RPL18A: variants seen among roughly 807,000 people sequenced by gnomAD.
The protein encoded by RPL18A is large ribosomal subunit protein eL20.
For missense variants in RPL18A, 163 were observed against 254.1 expected (o/e 0.64, Z 2.44); for synonymous variants, 122 against 96.9 (o/e 1.26, Z -1.52).
At position 17,861,404 on chromosome 19, in the gene RPL18A, T is replaced by G. The variant is rs980090765; in HGVS notation, c.130T>G (p.Phe44Val). 2 of 1,610,124 alleles carry G rather than the reference T, an allele frequency of 1.2e-6. No individual in the cohort carries two copies. The highest frequency in any genetic ancestry group is 1.7e-6 in the Non-Finnish European group (2 of 1,177,748). ...TAATCATGTCGTCGCCAAGTCCCGC[T>G]TCTGGTACTTTGTATCTCAGTTAAA... is the stretch of plus-strand genomic sequence containing the variant. Reference protein sequence around the residue: ...APNHVVAKSRFWYFVSQLKKM... With the variant: ...APNHVVAKSRVWYFVSQLKKM... The change falls in exon 2 of 5, where the codon TTC (phenylalanine) becomes GTC (valine). Residue 44 changes from phenylalanine to valine, a missense_variant. Physicochemically the swap from Phe to Val is conservative, Grantham distance 50 (BLOSUM62 -1). Transcript: ENST00000222247.
At chr19:17,861,124 G>A (rs954216529) in intron 1 of RPL18A, 169 bp from the exon 2 acceptor site, 1 of 608,108 alleles carries the variant, frequency 1.6e-6, no homozygotes, top group African/African-American at 1.9e-5. Context: ...GTATAAAGTT[G>A]TGGTCGGGAG....
At position 17,859,932 on chromosome 19, in the gene RPL18A, T is replaced by G. The variant is rs2094273909; in HGVS notation, c.-25T>G. On this transcript the variant is annotated 5_prime_UTR_variant, in exon 1 of 5. Transcript: ENST00000222247. ...GACAGAGGACACTTCCTTTTGCGGG[T>G]GGCGGCGAACGCGGAGAGCACGCCA... 6.5e-7 allele frequency: 1 copy of G among 1,543,036 alleles called. No individual in the cohort carries two copies. The highest frequency in any genetic ancestry group is 8.7e-7 in the Non-Finnish European group (1 of 1,145,366).
At chr19:17,862,502 C>T (rs530875391) in intron 3 of RPL18A, 30 of 687,866 alleles carry the variant, frequency 4.4e-5, no homozygotes, top group South Asian at 3.2e-4. Context: ...CACTGAGAAC[C>T]GAATTGAACC....
chr19:17,861,100 T>C (rs906157059), intron 1 of RPL18A, 193 bp from the exon 2 acceptor site: 7 of 593,128 alleles, frequency 1.2e-5, no homozygotes, highest in Admixed American at 3.0e-5. Flanking sequence ...CTCCCTCTCC[T>C]CAGTTCATTT....
chr19:17,860,084 C>T, intron 1 of RPL18A, 110 bp downstream of exon 1: 2 of 1,004,766 alleles, frequency 2.0e-6, no homozygotes. Context: ...TGTTTGGGCC[C>T]CCCTTGGCCG....
Position 17,863,047 on chromosome 19 carries a change from C to T in RPL18A, c.438+20C>T, listed in dbSNP as rs1437339603. 1 of 1,592,574 alleles carries T rather than the reference C, an allele frequency of 6.3e-7. No individual in the cohort carries two copies. The highest frequency in any genetic ancestry group is 8.6e-7 in the Non-Finnish European group (1 of 1,161,354). On this transcript the variant is annotated intron_variant, in intron 4 of 4. Coordinates refer to ENST00000222247, the MANE Select transcript of RPL18A (RefSeq NM_000980.4). ...TTCCACGTGAGTGCCCTGGGGGACT[C>T]CCCTGGAGGGAAGTGCCTGCTCTGA... is the stretch of plus-strand genomic sequence containing the variant.
intron 2 of RPL18A, 109 bp from the exon 3 acceptor site, chr19:17,861,985 G>A: frequency 7.7e-7 from 1 of 1,299,774 alleles, no homozygotes; most frequent in Non-Finnish European, 1.1e-6. Context: ...TGGCCATAGA[G>A]TAGGCCTGGA....
chr19:17,863,177 A>G lies in RPL18A; in HGVS notation c.445A>G (p.Lys149Glu). The G allele has an allele frequency of 6.2e-7, 1 of 1,612,964 alleles. No homozygotes were observed. The highest frequency in any genetic ancestry group is 8.5e-7 in the Non-Finnish European group (1 of 1,179,466). Residue 149 changes from lysine (K) to glutamate (E), a missense_variant, in exon 5 of 5, where the codon AAG becomes GAG. Transcript: ENST00000222247. ...RPAVKQFHDS[K>E]IKFPLPHRVL... ...ATGCCTCCCTTCCTCACAGGACTCCAAGATCAAGTTCCCGCTGCCCCACCG... is the reference window on the plus strand; with the variant it reads ...ATGCCTCCCTTCCTCACAGGACTCCGAGATCAAGTTCCCGCTGCCCCACCG...
At chr19:17,862,054 C>T (rs767352704) in intron 2 of RPL18A, 40 bp from the exon 3 acceptor site, 3 of 1,605,806 alleles carry the variant, frequency 1.9e-6, no homozygotes, top group Non-Finnish European at 2.5e-6. Context: ...GGCACATCGG[C>T]TTGCTGCTCT....
At position 17,861,423 on chromosome 19, in the gene RPL18A, A is replaced by G. The variant is rs764026295; in HGVS notation, c.149A>G (p.Gln50Arg). The part of the protein sequence containing the change: ...AKSRFWYFVS[Q>R]LKKMKKSSGE... ...TCCCGCTTCTGGTACTTTGTATCTC[A>G]GTTAAAGAAGATGAAGAAGTCTTCA... The change falls in exon 2 of 5, where the codon CAG becomes CGG. Residue 50 changes from glutamine (Q) to arginine (R), a missense_variant. By Grantham distance (43) the Gln-to-Arg change is conservative (BLOSUM62 1). Transcript: ENST00000222247. 4 of 1,607,278 alleles carry G rather than the reference A, an allele frequency of 2.5e-6. No homozygotes were observed. Among genetic ancestry groups the G allele is most frequent in the South Asian group, 1.1e-5 (1 of 90,494 alleles).
At chr19:17,860,034 C>T (rs1477886496) in intron 1 of RPL18A, 60 bp downstream of exon 1, 1 of 1,430,310 alleles carries the variant, frequency 7.0e-7, no homozygotes, top group East Asian at 2.9e-5. Flanking sequence ...CATCAGGGGC[C>T]TGCATAAGTG....
At chr19:17,860,469 G>A (rs2094275210) in intron 1 of RPL18A, among the ~76,000 whole-genome samples, 1 of 152,162 alleles carries the variant, frequency 6.6e-6, no homozygotes, top group African/African-American at 2.4e-5. Flanking sequence ...AGGAGAACCT[G>A]GACTCCCATG....
rs146928535 is a variant in RPL18A, at chr19:17,861,328, C to G, written c.54C>G (p.Pro18=). The G allele has an allele frequency of 8.1e-5, 130 of 1,613,730 alleles. No individual in the cohort carries two copies. The African/African-American group carries it at 1.7e-3, about 21-fold the overall frequency. ...REYKVVGRCL[P]TPKCHTPPLY... is the part of the protein sequence containing the mutation. ...ACAAGGTAGTGGGTCGCTGCCTGCC[C>G]ACCCCCAAATGCCACACGCCGCCCC... The change falls in exon 2 of 5, where the codon CCC becomes CCG. Residue 18 remains proline, a synonymous_variant. Coordinates refer to ENST00000222247, the MANE Select transcript of RPL18A (RefSeq NM_000980.4).
At chr19:17,860,371 T>C (rs1469727069) in intron 1 of RPL18A, 1 of 243,158 alleles carries the variant, frequency 4.1e-6, no homozygotes, top group Non-Finnish European at 7.9e-6. Flanking sequence ...CAGATGAAAA[T>C]TGCTAACAGT....
intron 3 of RPL18A, 173 bp from the exon 4 acceptor site, chr19:17,862,745 C>T (rs777128760): frequency 9.2e-6 from 7 of 763,210 alleles, no homozygotes; most frequent in East Asian, 2.4e-5. Flanking sequence ...CTGCAGGGAC[C>T]CAGGCCTTGG....
At chr19:17,860,039 T>A in intron 1 of RPL18A, 65 bp downstream of exon 1, 2 of 1,404,736 alleles carry the variant, frequency 1.4e-6, no homozygotes, top group Non-Finnish European at 1.9e-6. Context: ...GGGGCCTGCA[T>A]AAGTGGCGTG....
rs2094280859 is a variant in RPL18A, at chr19:17,863,203, G to A, written c.471G>A (p.Arg157=). ...DSKIKFPLPH[R]VLRRQHKPRF... ...AGATCAAGTTCCCGCTGCCCCACCGGGTCCTGCGCCGTCAGCACAAGCCAC... is the reference window on the plus strand; with the variant it reads ...AGATCAAGTTCCCGCTGCCCCACCGAGTCCTGCGCCGTCAGCACAAGCCAC... Residue 157 remains arginine, a synonymous_variant, in exon 5 of 5, where the codon CGG becomes CGA. Coordinates refer to ENST00000222247, the MANE Select transcript of RPL18A (RefSeq NM_000980.4). The A allele has an allele frequency of 1.9e-6, 3 of 1,612,000 alleles. No homozygotes were observed. The highest frequency in any genetic ancestry group is 1.7e-5 in the Admixed American group (1 of 59,970).
intron 1 of RPL18A, 151 bp from the exon 2 acceptor site, chr19:17,861,142 T>C (rs1335006788): frequency 6.2e-6 from 4 of 649,024 alleles, no homozygotes; most frequent in Admixed American, 5.1e-5. Context: ...GAGTGTGACC[T>C]ACAGTCACCA....
chr19:17,862,690 C>T (rs750240101), intron 3 of RPL18A: 5 of 758,078 alleles, frequency 6.6e-6, no homozygotes, highest in Admixed American at 3.4e-5. Flanking sequence ...GTGGCCGTGC[C>T]CCTCAAAGTG....
Sources: allele counts gnomAD v4.1 joint callset (sites outside exome capture counted in the v4.1 genomes callset), GRCh38; gene constraint gnomAD v4.1.1; transcripts MANE v1.5; gene names NCBI Gene and HGNC (gene_info 2026-07-23, HGNC 2026-07-21).